The following DOCK1 variants were observed in gnomAD, a reference collection of about 807,000 sequenced individuals.
DOCK1 encodes the protein dedicator of cytokinesis protein 1.
DOCK1 carries 138 observed loss-of-function variants against 262.7 expected under a neutral mutation model. The ratio of observed to expected loss-of-function variants is 0.53; its 90% confidence interval spans 0.46 to 0.61. The LOEUF (loss-of-function observed/expected upper bound fraction) is 0.61, where lower values mean the gene tolerates loss of function less well. Among genes scored for constraint, DOCK1 ranks in the 20% least tolerant of loss-of-function variants. The probability of loss-of-function intolerance (pLI) is 0.00; values close to 1 mark genes in which losing one functional copy is unlikely to be tolerated. For synonymous variants in DOCK1, 866 were observed against 867.4 expected, an observed-to-expected ratio of 1.00 and a Z score of 0.03; for missense variants, 1,908 against 2,370.7, an observed-to-expected ratio of 0.80 and a Z score of 4.05.
At chr10:127,133,599 G>A (rs527907768) in intron 27 of DOCK1, among the ~76,000 whole-genome samples, 1 of 152,116 alleles carries the variant, frequency 6.6e-6, no homozygotes, top group Non-Finnish European at 1.5e-5. Flanking sequence ...TTTTTTCAAG[G>A]TTGGTTACTA....
intron 27 of DOCK1, among the ~76,000 whole-genome samples, chr10:127,233,168 C>T (rs1936659): frequency 0.39 from 59,818 of 151,928 alleles, 12,044 homozygotes; most frequent in East Asian, 0.59. Flanking sequence ...TCTCTATAAA[C>T]CAATGTTTTG....
chr10:127,188,906 C>T (rs2056514291), intron 27 of DOCK1, among the ~76,000 whole-genome samples: 1 of 152,164 alleles, frequency 6.6e-6, no homozygotes, highest in African/African-American at 2.4e-5. Flanking sequence ...CCAAAGGTCA[C>T]ACAGATACTG....
chr10:126,946,824 T>A (rs1692715447), intron 1 of DOCK1, among the ~76,000 whole-genome samples: 1 of 152,238 alleles, frequency 6.6e-6, no homozygotes, highest in African/African-American at 2.4e-5. Context: ...GATGGACACT[T>A]GTGACATGGT....
intron 11 of DOCK1, among the ~76,000 whole-genome samples, chr10:127,011,731 C>T (rs556743617): frequency 6.6e-6 from 1 of 152,066 alleles, no homozygotes; most frequent in African/African-American, 2.4e-5. Flanking sequence ...CTATTGTGTA[C>T]GTAGTCCAGG....
intron 32 of DOCK1, among the ~76,000 whole-genome samples, chr10:127,354,943 A>C (rs896557936): frequency 1.3e-5 from 2 of 152,210 alleles, no homozygotes; most frequent in Non-Finnish European, 2.9e-5. Flanking sequence ...CAAAAAGAAA[A>C]ATCCACAGAG....
chr10:127,110,435 G>A, intron 25 of DOCK1, 81 bp downstream of exon 25: 1 of 1,273,464 alleles, frequency 7.9e-7, no homozygotes, highest in Non-Finnish European at 1.1e-6. Flanking sequence ...GCCTCTTCTT[G>A]ACAAAAGGAG....
intron 2 of DOCK1, among the ~76,000 whole-genome samples, chr10:126,972,230 T>C (rs2038168857): frequency 6.6e-6 from 1 of 152,236 alleles, no homozygotes; most frequent in Non-Finnish European, 1.5e-5. Flanking sequence ...GCAATTGTTA[T>C]AATTATCCAA....
intron 25 of DOCK1, among the ~76,000 whole-genome samples, chr10:127,114,849 C>T (rs1398819115): frequency 6.6e-6 from 1 of 151,442 alleles, no homozygotes; most frequent in Non-Finnish European, 1.5e-5. Flanking sequence ...CTGTGCCTCC[C>T]GGGTTCAATC....
At chr10:127,082,870 C>T (rs996186154) in intron 23 of DOCK1, among the ~76,000 whole-genome samples, 4 of 152,204 alleles carry the variant, frequency 2.6e-5, no homozygotes, top group Non-Finnish European at 5.9e-5. Flanking sequence ...AAGCACAAAA[C>T]GACTGCTCAT....
At chr10:127,224,997 G>A (rs1371215190) in intron 27 of DOCK1, among the ~76,000 whole-genome samples, 1 of 152,096 alleles carries the variant, frequency 6.6e-6, no homozygotes, top group African/African-American at 2.4e-5. Context: ...AGAATCTACT[G>A]TTGGGTAAGT....
At chr10:127,389,623 G>T (rs117182010) in intron 38 of DOCK1, among the ~76,000 whole-genome samples, 1 of 152,128 alleles carries the variant, frequency 6.6e-6, no homozygotes, top group African/African-American at 2.4e-5. Context: ...GTTGGAGGTG[G>T]GGCCTGGTGG....
chr10:127,072,259 C>T (rs2046275419), intron 23 of DOCK1, among the ~76,000 whole-genome samples: 1 of 152,204 alleles, frequency 6.6e-6, no homozygotes, highest in Non-Finnish European at 1.5e-5. Flanking sequence ...TTCCTTCAAT[C>T]ATATGTTCAT....
intron 19 of DOCK1, among the ~76,000 whole-genome samples, chr10:127,041,522 T>C (rs1481498511): frequency 1.3e-5 from 2 of 152,224 alleles, no homozygotes; most frequent in Non-Finnish European, 2.9e-5. Flanking sequence ...TGAATAATAT[T>C]TGTGTACAAG....
rs1212401730 is a variant in DOCK1 at position 126,997,968 on chromosome 10, A to G, written c.610-124A>G. On this transcript the variant is annotated intron_variant, in intron 7 of 51. Coordinates refer to ENST00000623213, the MANE Select transcript of DOCK1 (RefSeq NM_001290223.2). Reference sequence around the variant, plus strand: ...GCAGGGGAGATAAGAAAGTGACTGCACCAAGGCCTTTGCTGGGTTATGCCA... The same window carrying G: ...GCAGGGGAGATAAGAAAGTGACTGCGCCAAGGCCTTTGCTGGGTTATGCCA... 3.2e-6 allele frequency: 4 copies of G among 1,265,072 alleles called. No homozygotes were observed. The African/African-American group carries it at 6.0e-5, about 19-fold the overall frequency. 78.4% of individuals were successfully genotyped at this position (1,265,072 alleles called of 1,614,324 possible).
chr10:127,230,054 A>C (rs2058784155), intron 27 of DOCK1, among the ~76,000 whole-genome samples: 1 of 152,234 alleles, frequency 6.6e-6, no homozygotes, highest in Non-Finnish European at 1.5e-5. Flanking sequence ...TGATCACCTT[A>C]GCCACACATG....
At chr10:127,259,181 G>A (rs898833655) in intron 29 of DOCK1, among the ~76,000 whole-genome samples, 3 of 152,168 alleles carry the variant, frequency 2.0e-5, no homozygotes, top group Admixed American at 2.0e-4. Context: ...GCTCTGGCCC[G>A]GGGAGCAGAG....
intron 47 of DOCK1, among the ~76,000 whole-genome samples, chr10:127,428,140 C>G (rs1299684655): frequency 6.6e-6 from 1 of 152,258 alleles, no homozygotes; most frequent in Non-Finnish European, 1.5e-5. Context: ...CACATCGCAT[C>G]TCTTTCAAAG....
Position 127,175,775 on chromosome 10 carries a change from A to C in DOCK1, c.2847+48011A>C, listed in dbSNP as rs776154036. Reference sequence around the variant, plus strand: ...GAGGCCGAGTGGAGTTTTGGAGCGCAGCTTCTCCATAGCTGAGCGGCTCCG... The same window carrying C: ...GAGGCCGAGTGGAGTTTTGGAGCGCCGCTTCTCCATAGCTGAGCGGCTCCG... On this transcript the variant is annotated intron_variant, in intron 27 of 51. Transcript: ENST00000623213. The surrounding 1 kb of genome is among the most constrained non-coding windows in gnomAD (Gnocchi z 6.3). 1.1e-5 allele frequency: 18 copies of C among 1,613,958 alleles called. No individual in the cohort carries two copies. The Admixed American group carries it at 1.5e-4, about 13-fold the overall frequency.
At chr10:126,933,909 C>G (rs1034854878) in intron 1 of DOCK1, among the ~76,000 whole-genome samples, 3 of 152,064 alleles carry the variant, frequency 2.0e-5, no homozygotes, top group Non-Finnish European at 2.9e-5. Context: ...CCGCCTCCCA[C>G]GTTCAAGTGA....
Sources: allele counts gnomAD v4.1 joint callset (sites outside exome capture counted in the v4.1 genomes callset), GRCh38; gene constraint gnomAD v4.1.1; non-coding constraint Gnocchi (gnomAD v3.1); transcripts MANE v1.5; gene names NCBI Gene and HGNC (gene_info 2026-07-23, HGNC 2026-07-21).